AGAP1: variants seen among roughly 807,000 people sequenced by gnomAD.
AGAP1 encodes arf-GAP with GTPase, ANK repeat and PH domain-containing protein 1.
A neutral mutation model predicts 105.3 loss-of-function variants in AGAP1; 29 were observed. The ratio of observed to expected loss-of-function variants is 0.28; its 90% confidence interval spans 0.21 to 0.38. The LOEUF (loss-of-function observed/expected upper bound fraction) is 0.38, where lower values mean the gene tolerates loss of function less well. AGAP1 is among the 10% of genes least tolerant of loss of function. AGAP1 has a pLI of 1.00. For missense variants in AGAP1, 998 were observed against 1,165.1 expected, an observed-to-expected ratio of 0.86 and a Z score of 2.09; for synonymous variants, 509 against 485.9, an observed-to-expected ratio of 1.05 and a Z score of -0.63.
In AGAP1 at chr2:236,027,842, A is replaced by G. The variant is rs1480063742; in HGVS notation, c.1646-8719A>G. Among the ~76,000 whole-genome samples the G allele has an allele frequency of 3.3e-5, 5 of 152,240 alleles. No homozygotes were observed. In the South Asian group the frequency reaches 6.2e-4, roughly 19 times the overall value. On this transcript the variant is annotated intron_variant, in intron 13 of 17. Transcript: ENST00000304032. The surrounding 1 kb of genome is among the most constrained non-coding windows in gnomAD (Gnocchi z 4.4). ...GCGTTTAGACCTGCCCTGTGATCACAGGGCCTTTGTGCATGCTACATACAC... is the reference window on the plus strand; with the variant it reads ...GCGTTTAGACCTGCCCTGTGATCACGGGGCCTTTGTGCATGCTACATACAC...
At position 235,888,425 on chromosome 2, in the gene AGAP1, T is replaced by C. The variant is rs1575701675; in HGVS notation, c.1155+4976T>C. ...CTGCTCCACACAGCTCCTGCATTAG[T>C]CAACCAAATTAAATTCCCAGGCGAG... On this transcript the variant is annotated intron_variant, in intron 10 of 17. Transcript: ENST00000304032. This position sits in a 1 kb window ranked among gnomAD's most constrained non-coding sequence, Gnocchi z 4.8. Among the ~76,000 whole-genome samples the C allele has an allele frequency of 3.3e-5, 5 of 152,104 alleles. No homozygotes were observed. The East Asian group carries it at 9.7e-4, about 30-fold the overall frequency.
At chr2:236,068,276 A>G (rs2058401633) in intron 16 of AGAP1, among the ~76,000 whole-genome samples, 1 of 152,008 alleles carries the variant, frequency 6.6e-6, no homozygotes, top group Non-Finnish European at 1.5e-5. Flanking sequence ...ATCTCAAAAA[A>G]ACAAAAAATC....
Position 235,662,101 on chromosome 2 carries a change from C to T in AGAP1, c.164-47078C>T, listed in dbSNP as rs550822563. Among the ~76,000 whole-genome samples, 3 of 152,250 alleles carry T rather than the reference C, an allele frequency of 2.0e-5. No individual in the cohort carries two copies. Among genetic ancestry groups the T allele is most frequent in the African/African-American group, 4.8e-5 (2 of 41,540 alleles). On this transcript the variant is annotated intron_variant, in intron 1 of 17. Transcript: ENST00000304032. This position sits in a 1 kb window ranked among gnomAD's most constrained non-coding sequence, Gnocchi z 4.2. ...GGAAAAGACCATGGCGCTGAGGAGG[C>T]GGCACGGCCTGGCCCTCCACCTCCA...
In AGAP1 at chr2:235,939,058, A is replaced by G. The variant is rs558783072; in HGVS notation, c.1483+8135A>G. ...AATGATGTGTGTGAATGGTGGTTAT[A>G]GGACAAAATCTGATCCTGATTCTGT... On this transcript the variant is annotated intron_variant, in intron 12 of 17. Transcript: ENST00000304032. Among the ~76,000 whole-genome samples, 74 of 152,276 alleles carry G rather than the reference A, an allele frequency of 4.9e-4. 1 individual carries two copies. The South Asian group carries it at 0.015, about 30-fold the overall frequency.
At chr2:235,944,092 A>C (rs2053386579) in intron 12 of AGAP1, among the ~76,000 whole-genome samples, 1 of 152,240 alleles carries the variant, frequency 6.6e-6, no homozygotes, top group Non-Finnish European at 1.5e-5. Flanking sequence ...TAATTGCTAC[A>C]TTATTTCTGC....
At chr2:235,914,694 G>C (rs2051787078) in intron 11 of AGAP1, among the ~76,000 whole-genome samples, 1 of 152,190 alleles carries the variant, frequency 6.6e-6, no homozygotes, top group Non-Finnish European at 1.5e-5. Flanking sequence ...CTGGGCTCAG[G>C]CCACCCTCTG....
intron 1 of AGAP1, among the ~76,000 whole-genome samples, chr2:235,646,357 T>A (rs1472813790): frequency 6.6e-6 from 1 of 151,754 alleles, no homozygotes; most frequent in African/African-American, 2.4e-5. Context: ...CAGTTATGAA[T>A]AGAATCTCTC....
At chr2:235,803,995 T>A (rs948134733) in intron 8 of AGAP1, among the ~76,000 whole-genome samples, 3 of 152,218 alleles carry the variant, frequency 2.0e-5, no homozygotes, top group Middle Eastern at 3.4e-3. Flanking sequence ...ATTAGAAAAA[T>A]TTTTCAAACA....
chr2:235,597,019 G>C lies in AGAP1; in HGVS notation c.163+102170G>C, dbSNP rs12612389. Among the ~76,000 whole-genome samples, 172 of 152,318 alleles carry C rather than the reference G, an allele frequency of 1.1e-3. 1 individual carries two copies. In the East Asian group the frequency reaches 0.031, roughly 27 times the overall value. ...CTTCCAGCTGCCAGAACTGTGAGAG[G>C]TAAACGTGTGTTGTTGAAGTGCCTC... On this transcript the variant is annotated intron_variant, in intron 1 of 17. Coordinates refer to ENST00000304032, the MANE Select transcript of AGAP1 (RefSeq NM_001037131.3).
chr2:235,778,655 A>G (rs1258066544), intron 6 of AGAP1, among the ~76,000 whole-genome samples: 1 of 152,202 alleles, frequency 6.6e-6, no homozygotes, highest in Non-Finnish European at 1.5e-5. Flanking sequence ...ACGCAGTGCC[A>G]GGGTCCTCAT....
Position 235,612,254 on chromosome 2 carries a change from G to T in AGAP1, c.164-96925G>T, listed in dbSNP as rs937005632. Among the ~76,000 whole-genome samples, 1 of 152,156 alleles carries T rather than the reference G, an allele frequency of 6.6e-6. No homozygotes were observed. The highest frequency in any genetic ancestry group is 1.5e-5 in the Non-Finnish European group (1 of 68,032). ...GAGAGAGTGGACAGATTTTACACCA[G>T]CACCTTTCATCTCAGGGGTGCTTGT... On this transcript the variant is annotated intron_variant, in intron 1 of 17. Transcript: ENST00000304032. The surrounding 1 kb of genome is among the most constrained non-coding windows in gnomAD (Gnocchi z 4.3).
At chr2:235,696,792 C>T (rs1423926717) in intron 1 of AGAP1, among the ~76,000 whole-genome samples, 5 of 151,992 alleles carry the variant, frequency 3.3e-5, no homozygotes, top group African/African-American at 1.2e-4. Flanking sequence ...GAGACCATCC[C>T]AGCCAACACA....
chr2:235,567,607 T>C (rs967200947), intron 1 of AGAP1, among the ~76,000 whole-genome samples: 48 of 152,206 alleles, frequency 3.2e-4, no homozygotes, highest in African/African-American at 1.2e-3. Flanking sequence ...AACCCAGGTG[T>C]GTTTTCAACC....
chr2:235,623,170 A>G lies in AGAP1; in HGVS notation c.164-86009A>G, dbSNP rs369601673. On this transcript the variant is annotated intron_variant, in intron 1 of 17. Transcript: ENST00000304032. The surrounding 1 kb of genome is among the most constrained non-coding windows in gnomAD (Gnocchi z 4.5). ...TTAAAATCAATGGGCCTTTCCTTTC[A>G]TTTCGAACTTTCAATACAGCTGCAG... 2.6e-5 allele frequency among the ~76,000 whole-genome samples: 4 copies of G among 152,078 alleles called. No homozygotes were observed. Among genetic ancestry groups the G allele is most frequent in the Non-Finnish European group, 4.4e-5 (3 of 68,024 alleles).
At chr2:235,785,173 T>C (rs1476144911) in intron 6 of AGAP1, among the ~76,000 whole-genome samples, 1 of 152,190 alleles carries the variant, frequency 6.6e-6, no homozygotes, top group East Asian at 1.9e-4. Context: ...GTAAGGATAA[T>C]TATTTCTGGA....
chr2:235,778,533 G>A (rs1956055650), intron 6 of AGAP1, among the ~76,000 whole-genome samples: 1 of 152,150 alleles, frequency 6.6e-6, no homozygotes, highest in Non-Finnish European at 1.5e-5. Context: ...CCTTATCTGT[G>A]AGCATAGAGC....
intron 1 of AGAP1, among the ~76,000 whole-genome samples, chr2:235,607,489 G>A (rs572379292): frequency 8.5e-5 from 13 of 152,338 alleles, no homozygotes; most frequent in Admixed American, 7.8e-4. Context: ...GACTTCAGGC[G>A]GCCTTGCCAG....
At chr2:235,675,809 C>G (rs1948706737) in intron 1 of AGAP1, among the ~76,000 whole-genome samples, 1 of 152,068 alleles carries the variant, frequency 6.6e-6, no homozygotes, top group Non-Finnish European at 1.5e-5. Flanking sequence ...TAGGTTGGAG[C>G]CCAAGTTTCA....
chr2:235,881,319 T>A (rs2050014078), intron 9 of AGAP1, among the ~76,000 whole-genome samples: 1 of 152,226 alleles, frequency 6.6e-6, no homozygotes, highest in Admixed American at 6.5e-5. Flanking sequence ...CGATGGAGGC[T>A]GGGAAAAGTT....
Sources: gnomAD v4.1 joint callset for allele counts (sites outside exome capture counted in the v4.1 genomes callset) on GRCh38, gnomAD v4.1.1 for gene constraint, Gnocchi (gnomAD v3.1) non-coding constraint, MANE v1.5 for transcripts, NCBI Gene and HGNC (gene_info 2026-07-23, HGNC 2026-07-21) for gene names.